COL4A6: variants seen among roughly 807,000 people sequenced by gnomAD.
COL4A6 encodes collagen type IV alpha 6 chain, also known as collagen alpha-6(IV) chain.
In COL4A6, 59 loss-of-function variants were observed where a neutral mutation model predicts 126.7. The ratio of observed to expected loss-of-function variants is 0.47; its 90% CI spans 0.38 to 0.58. The LOEUF (loss-of-function observed/expected upper bound fraction) is 0.58, where lower values mean the gene tolerates loss of function less well. Ranked by LOEUF, COL4A6 falls within the 20% of genes least tolerant of loss-of-function variation. COL4A6 has a pLI of 0.00. For synonymous variants in COL4A6, 547 were observed against 496.6 expected, an observed-to-expected ratio of 1.10 and a Z score of -1.35; for missense variants, 1,285 against 1,337.3, an observed-to-expected ratio of 0.96 and a Z score of 0.61.
chrX:108,166,255 C>T (rs2034125609), intron 37 of COL4A6, among the ~76,000 whole-genome samples: 1 of 112,616 alleles, frequency 8.9e-6, no homozygotes, highest in Admixed American at 9.4e-5. Flanking sequence ...AAACTTTCAT[C>T]TGATCACAGA....
At chrX:108,288,574 G>A (rs1257628315) in intron 3 of COL4A6, among the ~76,000 whole-genome samples, 17 of 111,179 alleles carry the variant, frequency 1.5e-4, no homozygotes, top group Non-Finnish European at 3.2e-4. Context: ...TCCTTATTTA[G>A]ATAAGGTCCC....
chrX:108,170,956 T>A, intron 33 of COL4A6, 39 bp from the exon 34 acceptor site: 2 of 1,086,014 alleles, frequency 1.8e-6, no homozygotes, highest in South Asian at 3.7e-5. Context: ...TTAGGCCATA[T>A]TTCTAGCAGT....
chrX:108,379,321 C>T (rs2040512722), intron 2 of COL4A6, among the ~76,000 whole-genome samples: 1 of 110,344 alleles, frequency 9.1e-6, no homozygotes, highest in South Asian at 4.0e-4. Flanking sequence ...GCAATCATAG[C>T]TCACTGCAGC....
chrX:108,205,295 A>G (rs1383417407), intron 11 of COL4A6, 144 bp downstream of exon 11: 4 of 528,423 alleles, frequency 7.6e-6, no homozygotes, highest in African/African-American at 2.3e-5. Context: ...AAGAGATCCC[A>G]CCAGAGGATC....
At chrX:108,333,133 G>C (rs959922978) in intron 2 of COL4A6, among the ~76,000 whole-genome samples, 5 of 110,731 alleles carry the variant, frequency 4.5e-5, no homozygotes, top group African/African-American at 6.6e-5. Context: ...AGATCAGTTG[G>C]TTGTAGGTAT....
intron 3 of COL4A6, among the ~76,000 whole-genome samples, chrX:108,222,404 A>G (rs1214366083): frequency 8.9e-6 from 1 of 112,136 alleles, no homozygotes; most frequent in African/African-American, 3.2e-5. Context: ...ATCATTTCCT[A>G]CAAATCTGTG....
Position 108,159,759 on chromosome X carries a change from A to G in COL4A6, c.4526-11T>C, listed in dbSNP as rs1444690262. ...AGGAGCCAGCAAAGCCTGGAAGGAGAGAAAGTGGGCAAGGGCAGGGGAGGT... is the reference window on the plus strand; with the variant it reads ...AGGAGCCAGCAAAGCCTGGAAGGAGGGAAAGTGGGCAAGGGCAGGGGAGGT... On this transcript the variant is annotated splice_polypyrimidine_tract_variant and intron_variant, in intron 43 of 44. Transcript: ENST00000334504. The G allele has an allele frequency of 8.3e-7, 1 of 1,209,706 alleles. No individual in the cohort carries two copies. The highest frequency in any genetic ancestry group is 1.8e-5 in the African/African-American group (1 of 57,094).
intron 37 of COL4A6, among the ~76,000 whole-genome samples, chrX:108,168,487 C>T (rs1418121718): frequency 6.2e-5 from 7 of 112,193 alleles, no homozygotes; most frequent in East Asian, 2.8e-4. Flanking sequence ...AAACAAAATG[C>T]GGTGAGACCT....
chrX:108,329,566 AACTT>A (rs2147968207), intron 2 of COL4A6, among the ~76,000 whole-genome samples: 1 of 111,270 alleles, frequency 9.0e-6, no homozygotes, highest in Admixed American at 9.6e-5. Context: ...ATGTTTTCAT[AACTT>A]ACTTTTAAGA....
At chrX:108,350,864 T>C (rs1292189166) in intron 2 of COL4A6, among the ~76,000 whole-genome samples, 2 of 111,316 alleles carry the variant, frequency 1.8e-5, no homozygotes, top group African/African-American at 6.5e-5. Context: ...TTCGGGACAA[T>C]GCGGGAAGGT....
At position 108,238,111 on chromosome X, in the gene COL4A6, TG is replaced by T. The variant is rs200096077; in HGVS notation, c.145-16738del. Reference sequence around the variant, plus strand: ...CTGGTTTTGGGTGTGTGTGTGTGTGTGTTTTTTTTTTTTGAGATGGAGTCTT... The same window carrying T: ...CTGGTTTTGGGTGTGTGTGTGTGTGTTTTTTTTTTTTTGAGATGGAGTCTT... On this transcript the variant is annotated intron_variant, in intron 3 of 44. Transcript: ENST00000334504. 1.0e-3 allele frequency among the ~76,000 whole-genome samples: 107 copies of T among 102,990 alleles called. 2 individuals carry two copies. The highest frequency in any genetic ancestry group is 3.8e-3 in the African/African-American group (101 of 26,406). The allele number at this position is 102,990 out of a possible 115,157, so 89.4% of individuals were successfully genotyped here.
In COL4A6 at chrX:108,298,416, T is replaced by G. The variant is rs923176967; in HGVS notation, c.144+12332A>C. Among the ~76,000 whole-genome samples the G allele has an allele frequency of 4.5e-5, 5 of 111,815 alleles. No homozygotes were observed. The Admixed American group carries it at 4.6e-4, about 10-fold the overall frequency. Reference sequence around the variant, plus strand: ...TGGCAGCCTGGGCTGGCAGGGGGAATTTCTGTCGCTTCTGCTCTGTTTCCC... The same window carrying G: ...TGGCAGCCTGGGCTGGCAGGGGGAAGTTCTGTCGCTTCTGCTCTGTTTCCC... On this transcript the variant is annotated intron_variant, in intron 3 of 44. Coordinates refer to ENST00000334504, the MANE Select transcript of COL4A6 (RefSeq NM_033641.4).
At position 108,155,622 on chromosome X, in the gene COL4A6, T is replaced by A. The variant is rs2033710277; in HGVS notation, c.*1378A>T. On this transcript the variant is annotated 3_prime_UTR_variant, in exon 45 of 45. Coordinates refer to ENST00000334504, the MANE Select transcript of COL4A6 (RefSeq NM_033641.4). The stretch of plus-strand genomic sequence containing the variant: ...ATCAAAAGAGTCACATGTTCAGATT[T>A]CATTTATTTTATTTGCTATGTACAA... 8.9e-6 allele frequency: 1 copy of A among 112,167 alleles called. No homozygotes were observed. The highest frequency in any genetic ancestry group is 3.2e-5 in the African/African-American group (1 of 30,835). The allele number at this position is 112,167 out of a possible 1,213,427, so 9.2% of individuals were successfully genotyped here.
intron 23 of COL4A6, among the ~76,000 whole-genome samples, chrX:108,185,503 C>T (rs2034834410): frequency 9.0e-6 from 1 of 111,580 alleles, no homozygotes; most frequent in Non-Finnish European, 1.9e-5. Context: ...GTACCATCTA[C>T]CATCAACCTT....
intron 37 of COL4A6, among the ~76,000 whole-genome samples, chrX:108,167,331 GT>G (rs1336690173): frequency 9.0e-6 from 1 of 111,514 alleles, no homozygotes; most frequent in Non-Finnish European, 1.9e-5. Context: ...GCTCTATGAA[GT>G]TTTTTTATTG....
intron 12 of COL4A6, 98 bp from the exon 13 acceptor site, chrX:108,203,079 C>T (rs1030379719): frequency 2.9e-6 from 2 of 693,677 alleles, no homozygotes; most frequent in Non-Finnish European, 4.6e-6. Flanking sequence ...AGTGGGGAAC[C>T]AATGAAGTAT....
At chrX:108,161,835 G>T (rs2033951084) in intron 41 of COL4A6, 100 bp from the exon 42 acceptor site, 2 of 529,856 alleles carry the variant, frequency 3.8e-6, no homozygotes, top group Non-Finnish European at 6.5e-6. Context: ...AGACTCACTA[G>T]GAGACGATGC....
At chrX:108,205,509 AC>A (rs1403658003) in intron 10 of COL4A6, 29 bp from the exon 11 acceptor site, 1 of 1,164,246 alleles carries the variant, frequency 8.6e-7, no homozygotes, top group Non-Finnish European at 1.2e-6. Flanking sequence ...GGGAGGAAAA[AC>A]AAAATCGATT....
At chrX:108,299,365 G>A (rs2038422384) in intron 3 of COL4A6, among the ~76,000 whole-genome samples, 2 of 111,405 alleles carry the variant, frequency 1.8e-5, no homozygotes, top group African/African-American at 3.3e-5. Flanking sequence ...CCTGTCTGGG[G>A]AGCCTGTTTA....
Sources: allele counts gnomAD v4.1 joint callset (sites outside exome capture counted in the v4.1 genomes callset), GRCh38; gene constraint gnomAD v4.1.1; transcripts MANE v1.5; gene names NCBI Gene and HGNC (gene_info 2026-07-23, HGNC 2026-07-21).